Variants in ZMYM2 observed in about 807,000 individuals in gnomAD.
The protein encoded by ZMYM2 is zinc finger MYM-type protein 2.
ZMYM2 carries 56 observed loss-of-function variants against 162.8 expected under a neutral mutation model. The observed-to-expected ratio is 0.34, with a 90% CI of 0.28 to 0.43. The LOEUF is 0.43. Ranked by LOEUF, ZMYM2 falls within the 20% of genes least tolerant of loss-of-function variation. The probability of loss-of-function intolerance (pLI) is 1.00; values close to 1 mark genes in which losing one functional copy is unlikely to be tolerated. For missense variants in ZMYM2, 1,275 were observed against 1,621.8 expected (o/e 0.79, Z 3.67); for synonymous variants, 510 against 541.6 (o/e 0.94, Z 0.81).
At chr13:20,018,169 C>A (rs912477769) in intron 6 of ZMYM2, among the ~76,000 whole-genome samples, 1 of 152,164 alleles carries the variant, frequency 6.6e-6, no homozygotes, top group African/African-American at 2.4e-5. Flanking sequence ...CTGTTCCCCA[C>A]ATAATCTCTA....
At chr13:19,882,116 T>C in the ZMYM2 span, among the ~76,000 whole-genome samples, 1 of 152,138 alleles carries the variant, frequency 6.6e-6, no homozygotes, top group African/African-American at 2.4e-5. Context: ...CAAATCTTCA[T>C]GACCTTGGAT....
the ZMYM2 span, among the ~76,000 whole-genome samples, chr13:19,937,401 G>C: frequency 2.7e-5 from 4 of 150,372 alleles, no homozygotes; most frequent in African/African-American, 9.7e-5. Context: ...GCCTCCCAAA[G>C]TATTGGGATT....
At chr13:20,010,390 G>A (rs1378409347) in intron 6 of ZMYM2, among the ~76,000 whole-genome samples, 1 of 151,802 alleles carries the variant, frequency 6.6e-6, no homozygotes, top group Non-Finnish European at 1.5e-5. Context: ...GAGACATAGG[G>A]TTTCATTCGC....
chr13:19,928,079 C>T, the ZMYM2 span, among the ~76,000 whole-genome samples: 406 of 152,184 alleles, frequency 2.7e-3, 1 homozygote, highest in African/African-American at 9.0e-3. Flanking sequence ...GATCATGGCT[C>T]GCTGCAGCCT....
the ZMYM2 span, among the ~76,000 whole-genome samples, chr13:19,890,505 T>TAAAAAAAAAAAAAAAAAAAA: frequency 1.6e-4 from 16 of 98,446 alleles, 1 homozygote; most frequent in African/African-American, 6.4e-4. Context: ...AGTGCTTTTG[T>TAAAAAAAAAAAAAAAAAAAA]AAAAAAAAAA....
intron 12 of ZMYM2, among the ~76,000 whole-genome samples, chr13:20,037,272 G>A (rs1462565967): frequency 7.5e-6 from 1 of 133,364 alleles, no homozygotes; most frequent in African/African-American, 3.0e-5. Context: ...CTAGAGTGCA[G>A]TGGCACCATC....
intron 2 of ZMYM2, among the ~76,000 whole-genome samples, chr13:19,981,672 C>T (rs7324038): frequency 0.13 from 19,588 of 152,052 alleles, 1,657 homozygotes; most frequent in African/African-American, 0.23. Flanking sequence ...CCTAGCATTC[C>T]GTTCATTTTT....
At chr13:19,990,539 T>TA (rs1361379768) in intron 2 of ZMYM2, among the ~76,000 whole-genome samples, 1 of 152,234 alleles carries the variant, frequency 6.6e-6, no homozygotes, top group East Asian at 1.9e-4. Flanking sequence ...CCAAACTAGT[T>TA]ATCTCTTCAC....
upstream of ZMYM2, among the ~76,000 whole-genome samples, chr13:19,956,103 A>G (rs567492465): frequency 6.6e-6 from 1 of 152,152 alleles, no homozygotes; most frequent in African/African-American, 2.4e-5. Flanking sequence ...CACTTGAGTC[A>G]CTCCATTAAA....
chr13:19,919,488 T>C, the ZMYM2 span, among the ~76,000 whole-genome samples: 2 of 152,148 alleles, frequency 1.3e-5, no homozygotes, highest in African/African-American at 4.8e-5. Context: ...ATCTATTTTC[T>C]CTGCCTTCTC....
the ZMYM2 span, among the ~76,000 whole-genome samples, chr13:19,932,424 G>T: frequency 6.6e-6 from 1 of 152,034 alleles, no homozygotes; most frequent in South Asian, 2.1e-4. Context: ...GTGGCAGGTG[G>T]AACATTTGAG....
rs146449797 is a variant in ZMYM2, at chr13:20,051,366, A to G, written c.2293-67A>G. The G allele has an allele frequency of 5.7e-4, 876 of 1,543,488 alleles. 9 individuals carry two copies. In the African/African-American group the frequency reaches 0.011, roughly 19 times the overall value. On this transcript the variant is annotated intron_variant, in intron 12 of 24. Coordinates refer to ENST00000610343, the MANE Select transcript of ZMYM2 (RefSeq NM_197968.4). ...GGTTTTATCACATTTGGCAATAATC[A>G]CTGATAAACTTCTGGAAATCTTCAA...
At chr13:19,876,442 C>A in the ZMYM2 span, among the ~76,000 whole-genome samples, 21 of 152,118 alleles carry the variant, frequency 1.4e-4, no homozygotes, top group Non-Finnish European at 2.8e-4. Context: ...CCTGCCTCAA[C>A]CTCCTGAGTA....
chr13:19,963,136 C>T (rs763110777), intron 2 of ZMYM2, among the ~76,000 whole-genome samples: 2 of 152,108 alleles, frequency 1.3e-5, no homozygotes, highest in Non-Finnish European at 2.9e-5. Context: ...ACCGTGCCGG[C>T]CTGCATGTGA....
chr13:19,927,160 C>G, the ZMYM2 span, among the ~76,000 whole-genome samples: 2 of 152,210 alleles, frequency 1.3e-5, no homozygotes, highest in South Asian at 4.1e-4. Flanking sequence ...TTTAGTTTCT[C>G]TCTTTTTCTT....
At position 20,054,597 on chromosome 13, in the gene ZMYM2, C is replaced by T. The variant is rs114779208; in HGVS notation, c.2493+2286C>T. Among the ~76,000 whole-genome samples the T allele has an allele frequency of 4.4e-3, 668 of 152,312 alleles. 4 individuals are homozygous for T. Among genetic ancestry groups the T allele is most frequent in the African/African-American group, 0.016 (645 of 41,552 alleles). On this transcript the variant is annotated intron_variant, in intron 14 of 24. Coordinates refer to ENST00000610343, the MANE Select transcript of ZMYM2 (RefSeq NM_197968.4). ...ATTTTTATTCTTTTGGGTCCTACTT[C>T]AGCATACACAGATAACTGTGTATCC... is the stretch of plus-strand genomic sequence containing the variant.
At chr13:19,893,042 T>G in the ZMYM2 span, among the ~76,000 whole-genome samples, 1 of 151,794 alleles carries the variant, frequency 6.6e-6, no homozygotes, top group Non-Finnish European at 1.5e-5. Flanking sequence ...GAATGAAGTT[T>G]CTGTTTGGGA....
chr13:20,061,224 A>C lies in ZMYM2; in HGVS notation c.2911A>C (p.Ser971Arg), dbSNP rs1431698575. ...EGKTETTNIN[S>R]VIIETDIIGS... ...GAAAACAGAGACAACCAACATCAAC[A>C]GTGAGCTACACTAAATTATACCTTG... Residue 971 changes from serine to arginine, a missense_variant and splice_region_variant, in exon 17 of 25, where the codon AGT becomes CGT. Physicochemically the swap from Ser to Arg is moderately radical, Grantham distance 110 (BLOSUM62 -1). Coordinates refer to ENST00000610343, the MANE Select transcript of ZMYM2 (RefSeq NM_197968.4). The C allele has an allele frequency of 1.9e-6, 3 of 1,613,426 alleles. No homozygotes were observed. In the Admixed American group the frequency reaches 5.0e-5, roughly 27 times the overall value.
chr13:19,993,769 C>T lies in ZMYM2; in HGVS notation c.697C>T (p.Gln233Ter). ...CTTGGGAGATGTCTCTAACGGACTG[C>T]AGTCAAGTAATTTTGGTGTTAATAT... Reference protein sequence around the residue: ...TNLGDVSNGLQSSNFGVNIQT... With the variant: ...TNLGDVSNGL The change falls in exon 3 of 25, where the codon CAG (glutamine) becomes TAG (stop). Residue 233 changes from glutamine to a stop codon, truncating the protein, a stop_gained. Coordinates refer to ENST00000610343, the MANE Select transcript of ZMYM2 (RefSeq NM_197968.4). LOFTEE classifies it high-confidence loss of function. The T allele has an allele frequency of 6.2e-7, 1 of 1,614,136 alleles. No homozygotes were observed. Among genetic ancestry groups the T allele is most frequent in the Non-Finnish European group, 8.5e-7 (1 of 1,180,006 alleles).
Sources: allele counts gnomAD v4.1 joint callset (sites outside exome capture counted in the v4.1 genomes callset), GRCh38; gene constraint gnomAD v4.1.1; transcripts MANE v1.5; gene names NCBI Gene and HGNC (gene_info 2026-07-23, HGNC 2026-07-21).